Variants in CENPW observed in about 807,000 individuals in gnomAD.
CENPW encodes the protein cancer-up-regulated gene 2 protein.
Under a neutral mutation model 11.1 loss-of-function variants are expected in CENPW, and 3 were observed. The ratio of observed to expected loss-of-function variants is 0.27; its 90% confidence interval spans 0.12 to 0.70. The LOEUF is 0.70. Among genes scored for constraint, CENPW ranks in the 30% least tolerant of loss-of-function variants. The pLI is 0.77. For synonymous variants in CENPW, 38 were observed against 42.0 expected, an observed-to-expected ratio of 0.91 and a Z score of 0.37; for missense variants, 100 against 105.6, an observed-to-expected ratio of 0.95 and a Z score of 0.23.
chr6:126,373,475 T>G, the CENPW span, among the ~76,000 whole-genome samples: 1 of 152,242 alleles, frequency 6.6e-6, no homozygotes. Context: ...CAAACTACTC[T>G]AAAACTTAAT....
the CENPW span, among the ~76,000 whole-genome samples, chr6:126,385,867 A>G: frequency 2.4e-4 from 36 of 152,122 alleles, no homozygotes; most frequent in Non-Finnish European, 4.7e-4. Context: ...TTTATAAATT[A>G]CTGAGTCTTG....
chr6:126,429,334 T>C, the CENPW span, among the ~76,000 whole-genome samples: 1 of 152,156 alleles, frequency 6.6e-6, no homozygotes, highest in African/African-American at 2.4e-5. Flanking sequence ...TGCCCAAATC[T>C]CGTGTTGAAC....
the CENPW span, among the ~76,000 whole-genome samples, chr6:126,410,690 T>C: frequency 6.6e-6 from 1 of 151,890 alleles, no homozygotes; most frequent in African/African-American, 2.4e-5. Flanking sequence ...CCTTACTCTT[T>C]TTCATTTTTT....
At chr6:126,455,844 T>A in the CENPW span, among the ~76,000 whole-genome samples, 11 of 151,306 alleles carry the variant, frequency 7.3e-5, 1 homozygote, top group South Asian at 2.3e-3. Flanking sequence ...CTGAAACTCC[T>A]AGATCTGATT....
the CENPW span, among the ~76,000 whole-genome samples, chr6:126,386,021 G>T: frequency 6.6e-6 from 1 of 152,024 alleles, no homozygotes; most frequent in Non-Finnish European, 1.5e-5. Context: ...AACCAAGAGA[G>T]TATAAATGTA....
At chr6:126,403,919 T>G in the CENPW span, among the ~76,000 whole-genome samples, 3 of 152,142 alleles carry the variant, frequency 2.0e-5, no homozygotes, top group Admixed American at 2.0e-4. Context: ...TGCCTGACTT[T>G]AAGGACAGAC....
chr6:126,370,551 T>C, the CENPW span, among the ~76,000 whole-genome samples: 3 of 152,288 alleles, frequency 2.0e-5, no homozygotes, highest in African/African-American at 4.8e-5. Flanking sequence ...GAGTTTTTTA[T>C]TTTATTCTCA....
the CENPW span, among the ~76,000 whole-genome samples, chr6:126,447,820 C>T: frequency 3.3e-5 from 5 of 151,246 alleles, no homozygotes; most frequent in Admixed American, 2.6e-4. Context: ...CCTTGAAGAG[C>T]TAGGCCTCCT....
the CENPW span, among the ~76,000 whole-genome samples, chr6:126,358,150 T>A: frequency 6.6e-6 from 1 of 152,204 alleles, no homozygotes; most frequent in Non-Finnish European, 1.5e-5. Context: ...TAGAATCATA[T>A]CGTTAGTAAA....
chr6:126,461,077 A>T, the CENPW span, among the ~76,000 whole-genome samples: 2 of 151,802 alleles, frequency 1.3e-5, no homozygotes, highest in Non-Finnish European at 2.9e-5. Flanking sequence ...TCCAGATATG[A>T]CCTGACACGG....
chr6:126,345,433 TTTG>T (rs1780389385), intron 1 of CENPW, among the ~76,000 whole-genome samples: 1 of 151,994 alleles, frequency 6.6e-6, no homozygotes, highest in Admixed American at 6.6e-5. Context: ...TTTTGTAAAC[TTTG>T]TTGTTTTATA....
the CENPW span, among the ~76,000 whole-genome samples, chr6:126,462,842 A>T: frequency 6.6e-6 from 1 of 152,044 alleles, no homozygotes; most frequent in Non-Finnish European, 1.5e-5. Flanking sequence ...CAACTGCTGG[A>T]TTAACTGGCT....
chr6:126,412,789 T>C, the CENPW span, among the ~76,000 whole-genome samples: 1 of 152,136 alleles, frequency 6.6e-6, no homozygotes, highest in African/African-American at 2.4e-5. Context: ...GATTGAATAA[T>C]CTCTATTAAT....
intron 2 of CENPW, among the ~76,000 whole-genome samples, chr6:126,347,116 T>A (rs1780426463): frequency 6.6e-6 from 1 of 152,164 alleles, no homozygotes; most frequent in African/African-American, 2.4e-5. Context: ...GCTTCTGTTG[T>A]CAAATAAGTG....
the CENPW span, among the ~76,000 whole-genome samples, chr6:126,373,571 G>A: frequency 1.3e-5 from 2 of 152,218 alleles, no homozygotes; most frequent in Non-Finnish European, 2.9e-5. Flanking sequence ...TTCACTTGAA[G>A]TTTCTCATAC....
At chr6:126,450,132 A>G in the CENPW span, among the ~76,000 whole-genome samples, 1 of 151,132 alleles carries the variant, frequency 6.6e-6, no homozygotes, top group East Asian at 1.9e-4. Flanking sequence ...TGGATTAAAA[A>G]TTGAGTTCTG....
chr6:126,342,289 A>G (rs1780329557), intron 1 of CENPW, among the ~76,000 whole-genome samples: 1 of 152,226 alleles, frequency 6.6e-6, no homozygotes, highest in Non-Finnish European at 1.5e-5. Context: ...ATTATGTAGA[A>G]GTGTAATTCA....
At chr6:126,424,645 G>C in the CENPW span, among the ~76,000 whole-genome samples, 1 of 152,074 alleles carries the variant, frequency 6.6e-6, no homozygotes, top group Non-Finnish European at 1.5e-5. Context: ...ACCACTGTTC[G>C]GGGTGCTGTG....
the CENPW span, among the ~76,000 whole-genome samples, chr6:126,358,498 A>G: frequency 2.6e-5 from 4 of 152,308 alleles, no homozygotes; most frequent in East Asian, 7.7e-4. Flanking sequence ...CTGTTTGTGT[A>G]GTAAATCACA....
Sources: gnomAD v4.1 joint callset for allele counts (sites outside exome capture counted in the v4.1 genomes callset) on GRCh38, gnomAD v4.1.1 for gene constraint, MANE v1.5 for transcripts, NCBI Gene and HGNC (gene_info 2026-07-23, HGNC 2026-07-21) for gene names.